ARL15: variants seen among roughly 807,000 people sequenced by gnomAD.
The protein encoded by ARL15 is ARF like GTPase 15.
A neutral mutation model predicts 25.2 loss-of-function variants in ARL15; 19 were observed. The ratio of observed to expected loss-of-function variants is 0.75; its 90% CI spans 0.53 to 1.10. The LOEUF (loss-of-function observed/expected upper bound fraction) is 1.10. ARL15 is among the 50% of genes least tolerant of loss of function. The pLI, the probability that ARL15 is intolerant of heterozygous loss-of-function variation, is 0.00. For synonymous variants in ARL15, 94 were observed against 86.8 expected (o/e 1.08, Z -0.46); for missense variants, 220 against 246.0 (o/e 0.89, Z 0.71).
At chr5:54,151,574 T>G (rs1459248225) in intron 3 of ARL15, among the ~76,000 whole-genome samples, 4 of 152,072 alleles carry the variant, frequency 2.6e-5, no homozygotes, top group African/African-American at 7.2e-5. Context: ...AATGAGAATT[T>G]TAAGAATTTT....
chr5:54,167,348 A>G (rs1364912463), intron 2 of ARL15, among the ~76,000 whole-genome samples: 1 of 152,082 alleles, frequency 6.6e-6, no homozygotes, highest in Non-Finnish European at 1.5e-5. Context: ...CATCTCCTCA[A>G]TGCAGGGAGT....
chr5:54,028,688 T>G (rs895648662), intron 4 of ARL15, among the ~76,000 whole-genome samples: 3 of 152,114 alleles, frequency 2.0e-5, no homozygotes, highest in Admixed American at 1.3e-4. Context: ...AATGTCTCTC[T>G]CTGAATACAC....
chr5:54,113,114 C>T, intron 4 of ARL15, 88 bp downstream of exon 4: 1 of 1,296,560 alleles, frequency 7.7e-7, no homozygotes, highest in East Asian at 2.4e-5. Context: ...CCAGCACATT[C>T]CTAATTACAT....
At chr5:54,165,158 TG>T (rs1265559426) in intron 2 of ARL15, among the ~76,000 whole-genome samples, 1 of 152,072 alleles carries the variant, frequency 6.6e-6, no homozygotes. Flanking sequence ...CCATGACCTT[TG>T]TGCTATTGTT....
intron 4 of ARL15, among the ~76,000 whole-genome samples, chr5:54,055,079 C>T (rs1750822318): frequency 1.3e-5 from 2 of 152,076 alleles, no homozygotes; most frequent in South Asian, 2.1e-4. Flanking sequence ...CGACCATCAC[C>T]GTAATCAATT....
intron 1 of ARL15, among the ~76,000 whole-genome samples, chr5:54,272,098 C>A (rs544329203): frequency 7.0e-6 from 1 of 142,246 alleles, no homozygotes; most frequent in Admixed American, 7.1e-5. Flanking sequence ...TGTGTGCCAC[C>A]ACTCCTGGCT....
chr5:54,107,150 C>A (rs111763092), intron 4 of ARL15, among the ~76,000 whole-genome samples: 17 of 152,132 alleles, frequency 1.1e-4, no homozygotes, highest in African/African-American at 3.4e-4. Flanking sequence ...AGCGGAACCC[C>A]GTGATAAATC....
chr5:54,128,319 C>G (rs924986807), intron 3 of ARL15, among the ~76,000 whole-genome samples: 1 of 152,132 alleles, frequency 6.6e-6, no homozygotes, highest in African/African-American at 2.4e-5. Context: ...TTTTTACATG[C>G]CTAGTTCTTT....
At chr5:54,280,416 G>A (rs1478289210) in intron 1 of ARL15, among the ~76,000 whole-genome samples, 1 of 152,200 alleles carries the variant, frequency 6.6e-6, no homozygotes, top group Non-Finnish European at 1.5e-5. Flanking sequence ...AGCAAAAGGT[G>A]ATAGAAGAAA....
chr5:53,949,246 T>C (rs1326001405), intron 4 of ARL15, among the ~76,000 whole-genome samples: 2 of 152,202 alleles, frequency 1.3e-5, no homozygotes, highest in African/African-American at 4.8e-5. Context: ...ATGTTGTTTA[T>C]AGACTAGCTT....
intron 1 of ARL15, among the ~76,000 whole-genome samples, chr5:54,174,082 T>TG (rs1754795279): frequency 6.6e-6 from 1 of 152,208 alleles, no homozygotes; most frequent in Non-Finnish European, 1.5e-5. Flanking sequence ...TTGCAGTTTC[T>TG]TATTCATCAC....
At chr5:53,909,796 T>C (rs1745394296) in intron 4 of ARL15, among the ~76,000 whole-genome samples, 1 of 152,114 alleles carries the variant, frequency 6.6e-6, no homozygotes, top group South Asian at 2.1e-4. Context: ...AAAACTACAC[T>C]GTATGCAGAG....
At chr5:53,893,007 T>C (rs1744769161) in intron 4 of ARL15, among the ~76,000 whole-genome samples, 1 of 152,214 alleles carries the variant, frequency 6.6e-6, no homozygotes, top group Admixed American at 6.5e-5. Context: ...ACCTTTTCCA[T>C]GATTGTTACA....
At chr5:53,989,302 T>C (rs565408664) in intron 4 of ARL15, among the ~76,000 whole-genome samples, 1 of 152,346 alleles carries the variant, frequency 6.6e-6, no homozygotes, top group Admixed American at 6.5e-5. Context: ...CTCAATGTTA[T>C]TCTATGATCG....
chr5:54,274,597 G>T (rs1757877147), intron 1 of ARL15, among the ~76,000 whole-genome samples: 2 of 152,086 alleles, frequency 1.3e-5, no homozygotes, highest in Non-Finnish European at 2.9e-5. Context: ...GCTTACTAAA[G>T]GTAAGAAAGA....
intron 1 of ARL15, among the ~76,000 whole-genome samples, chr5:54,254,198 ATCAGATAATGAAGATCCTTTG>A (rs1757309416): frequency 6.6e-6 from 1 of 152,182 alleles, no homozygotes; most frequent in African/African-American, 2.4e-5. Context: ...ACTACCCAAA[ATCAGATAATGAAGATCCTTTG>A]TCAACTAACA....
At chr5:53,914,626 C>T (rs1745575242) in intron 4 of ARL15, among the ~76,000 whole-genome samples, 1 of 152,114 alleles carries the variant, frequency 6.6e-6, no homozygotes, top group Non-Finnish European at 1.5e-5. Context: ...AGAGCTTTGC[C>T]CAAAGTAGAC....
At chr5:54,007,703 A>G (rs1749090690) in intron 4 of ARL15, among the ~76,000 whole-genome samples, 1 of 152,194 alleles carries the variant, frequency 6.6e-6, no homozygotes, top group Non-Finnish European at 1.5e-5. Context: ...GTAGCATAGG[A>G]GCACAATATT....
intron 1 of ARL15, among the ~76,000 whole-genome samples, chr5:54,189,463 T>C (rs1755334650): frequency 6.6e-6 from 1 of 151,636 alleles, no homozygotes; most frequent in Non-Finnish European, 1.5e-5. Flanking sequence ...ACCAATGAAA[T>C]AGAATAGAGA....
Sources: allele counts gnomAD v4.1 joint callset (sites outside exome capture counted in the v4.1 genomes callset), GRCh38; gene constraint gnomAD v4.1.1; transcripts MANE v1.5; gene names NCBI Gene and HGNC (gene_info 2026-07-23, HGNC 2026-07-21).